The following IMMP2L variants were observed in gnomAD, a reference collection of about 807,000 sequenced individuals.
IMMP2L encodes the protein inner mitochondrial membrane peptidase subunit 2, also known as mitochondrial inner membrane protease subunit 2.
A neutral mutation model predicts 19.3 loss-of-function variants in IMMP2L; 18 were observed. That is an observed-to-expected ratio of 0.93 (90% CI 0.64 to 1.38). The LOEUF (loss-of-function observed/expected upper bound fraction) is 1.38. Among genes scored for constraint, IMMP2L ranks in the 40% most tolerant of loss-of-function variants. The pLI, the probability that IMMP2L is intolerant of heterozygous loss-of-function variation, is 0.00. For missense variants in IMMP2L, 233 were observed against 218.2 expected (o/e 1.07, Z -0.43); for synonymous variants, 76 against 73.0 (o/e 1.04, Z -0.21).
chr7:110,806,301 C>T (rs1801632805), intron 5 of IMMP2L, among the ~76,000 whole-genome samples: 3 of 151,654 alleles, frequency 2.0e-5, no homozygotes, highest in African/African-American at 7.3e-5. Flanking sequence ...TTCATTGTAC[C>T]ATAATTTTTC....
At chr7:111,038,397 TA>T (rs1467622084) in intron 3 of IMMP2L, among the ~76,000 whole-genome samples, 2 of 152,150 alleles carry the variant, frequency 1.3e-5, no homozygotes, top group Non-Finnish European at 1.5e-5. Context: ...CAATGATTAG[TA>T]ATACATGAAA....
intron 4 of IMMP2L, among the ~76,000 whole-genome samples, chr7:110,952,531 A>C (rs1351796126): frequency 6.6e-6 from 1 of 152,126 alleles, no homozygotes; most frequent in African/African-American, 2.4e-5. Flanking sequence ...ATTGGGGGAA[A>C]AGCTGAGGTT....
intron 3 of IMMP2L, among the ~76,000 whole-genome samples, chr7:111,015,347 A>T (rs1001382873): frequency 4.6e-5 from 7 of 152,140 alleles, no homozygotes; most frequent in Admixed American, 1.3e-4. Flanking sequence ...GAGGTATCTA[A>T]ACTAGTTAAT....
intron 3 of IMMP2L, among the ~76,000 whole-genome samples, chr7:111,321,320 A>G (rs1160663335): frequency 6.6e-6 from 1 of 152,016 alleles, no homozygotes; most frequent in Non-Finnish European, 1.5e-5. Flanking sequence ...AATTATAATC[A>G]AAATCCTGCT....
At chr7:111,315,644 C>T (rs1054476647) in intron 3 of IMMP2L, among the ~76,000 whole-genome samples, 30 of 151,954 alleles carry the variant, frequency 2.0e-4, no homozygotes, top group Admixed American at 2.6e-4. Context: ...TAATACCTTC[C>T]TCACCGCCAC....
intron 5 of IMMP2L, among the ~76,000 whole-genome samples, chr7:110,751,287 GA>G (rs1180129384): frequency 1.3e-5 from 2 of 151,588 alleles, no homozygotes; most frequent in Non-Finnish European, 2.9e-5. Flanking sequence ...GTTAGAACCA[GA>G]AAAAAAATTT....
At chr7:111,196,790 T>C (rs1809550435) in intron 3 of IMMP2L, among the ~76,000 whole-genome samples, 1 of 152,212 alleles carries the variant, frequency 6.6e-6, no homozygotes, top group African/African-American at 2.4e-5. Context: ...TCCATATAGC[T>C]TTAAAGATCT....
chr7:111,169,493 G>C (rs1806198429), intron 3 of IMMP2L, among the ~76,000 whole-genome samples: 1 of 151,836 alleles, frequency 6.6e-6, no homozygotes, highest in South Asian at 2.1e-4. Flanking sequence ...AACTAGGTTT[G>C]GTTACATTCA....
chr7:111,146,519 G>A (rs1465608388), intron 3 of IMMP2L, among the ~76,000 whole-genome samples: 1 of 151,840 alleles, frequency 6.6e-6, no homozygotes, highest in Non-Finnish European at 1.5e-5. Context: ...AAAACTAATA[G>A]GAGAACAGTC....
Position 110,816,149 on chromosome 7 carries a change from G to A in IMMP2L, c.408+70444C>T, listed in dbSNP as rs545819891. ...CACATTGCTTTGAATGTGTCCCAGA[G>A]ATACTGGTATGTTGTGTTTTTGTTC... On this transcript the variant is annotated intron_variant, in intron 5 of 5. Coordinates refer to ENST00000405709, the MANE Select transcript of IMMP2L (RefSeq NM_032549.4). 2.4e-4 allele frequency among the ~76,000 whole-genome samples: 36 copies of A among 152,252 alleles called. No homozygotes were observed. The Middle Eastern group carries it at 0.01, about 43-fold the overall frequency.
intron 3 of IMMP2L, among the ~76,000 whole-genome samples, chr7:111,401,218 C>T (rs995796683): frequency 2.0e-5 from 3 of 152,110 alleles, no homozygotes; most frequent in Non-Finnish European, 4.4e-5. Flanking sequence ...AAATAAAATA[C>T]AATTCCAATT....
chr7:110,958,627 A>G (rs904995764), intron 4 of IMMP2L, among the ~76,000 whole-genome samples: 7 of 151,902 alleles, frequency 4.6e-5, no homozygotes, highest in South Asian at 2.1e-4. Flanking sequence ...CAGGTTCCTT[A>G]TAAGTACAAG....
At chr7:111,558,907 G>A (rs1432578685) in intron 1 of IMMP2L, among the ~76,000 whole-genome samples, 2 of 152,122 alleles carry the variant, frequency 1.3e-5, no homozygotes, top group African/African-American at 4.8e-5. Flanking sequence ...TCTTAAGTAA[G>A]GCTTTTCTTT....
At chr7:111,537,309 T>C (rs1326168934) in intron 1 of IMMP2L, among the ~76,000 whole-genome samples, 2 of 152,100 alleles carry the variant, frequency 1.3e-5, no homozygotes, top group Non-Finnish European at 2.9e-5. Context: ...CTCTGGTTCT[T>C]CTACTTTCAG....
intron 3 of IMMP2L, among the ~76,000 whole-genome samples, chr7:110,966,318 T>C (rs1819540839): frequency 6.6e-6 from 1 of 152,044 alleles, no homozygotes; most frequent in Admixed American, 6.6e-5. Context: ...AGATTTTTGG[T>C]CCACATTATT....
Position 111,188,653 on chromosome 7 carries a change from T to C in IMMP2L, c.240-225088A>G, listed in dbSNP as rs552337853. ...TGGATCTGGCAGTTTAAGGAAGTAA[T>C]TTGTTTTGTCCTGGGAGGAGTTAAT... On this transcript the variant is annotated intron_variant, in intron 3 of 5. Transcript: ENST00000405709. Among the ~76,000 whole-genome samples the C allele has an allele frequency of 1.6e-4, 24 of 152,144 alleles. No individual in the cohort carries two copies. In the South Asian group the frequency reaches 4.8e-3, roughly 30 times the overall value.
Position 111,016,874 on chromosome 7 carries a change from TA to T in IMMP2L, c.240-53310del, listed in dbSNP as rs1563163465. Among the ~76,000 whole-genome samples the T allele has an allele frequency of 5.6e-5, 5 of 90,052 alleles. No individual in the cohort carries two copies. In the East Asian group the frequency reaches 1.2e-3, roughly 21 times the overall value. The allele number at this position is 90,052 out of a possible 152,430, so 59.1% of individuals were successfully genotyped here. On this transcript the variant is annotated intron_variant, in intron 3 of 5. Coordinates refer to ENST00000405709, the MANE Select transcript of IMMP2L (RefSeq NM_032549.4). ...TATATATTATATAATATATTACATA[TA>T]ATATATATTATATATAATATATATT...
chr7:110,711,982 G>T, intron 5 of IMMP2L, among the ~76,000 whole-genome samples: 1 of 34,168 alleles, frequency 2.9e-5, no homozygotes, highest in Non-Finnish European at 8.3e-5. Flanking sequence ...AGAGTATTTT[G>T]ATCGTCTGAA....
chr7:111,055,995 T>A (rs910597761), intron 3 of IMMP2L, among the ~76,000 whole-genome samples: 2 of 126,778 alleles, frequency 1.6e-5, no homozygotes, highest in African/African-American at 2.6e-5. Flanking sequence ...GAACTATTTT[T>A]TAATATTCTG....
Sources: allele counts gnomAD v4.1 joint callset (sites outside exome capture counted in the v4.1 genomes callset), GRCh38; gene constraint gnomAD v4.1.1; transcripts MANE v1.5; gene names NCBI Gene and HGNC (gene_info 2026-07-23, HGNC 2026-07-21).